The following CANX variants were observed in gnomAD, a reference collection of about 807,000 sequenced individuals.
The protein encoded by CANX is calnexin, also known as epididymis secretory sperm binding protein.
In CANX, 14 loss-of-function variants were observed where a neutral mutation model predicts 75.7. The observed-to-expected ratio is 0.19, with a 90% CI of 0.12 to 0.29. The LOEUF (loss-of-function observed/expected upper bound fraction) is 0.29, where lower values mean the gene tolerates loss of function less well. CANX is among the 10% of genes least tolerant of loss of function. CANX has a pLI of 1.00. For synonymous variants in CANX, 227 were observed against 236.9 expected (o/e 0.96, Z 0.38); for missense variants, 567 against 713.2 (o/e 0.79, Z 2.34).
chr5:179,713,789 C>T (rs534524435), intron 7 of CANX, among the ~76,000 whole-genome samples: 1 of 152,170 alleles, frequency 6.6e-6, no homozygotes, highest in African/African-American at 2.4e-5. Context: ...TAGCATGTAC[C>T]TCTAGTCCCA....
intron 10 of CANX, among the ~76,000 whole-genome samples, chr5:179,722,547 G>T (rs1020162610): frequency 2.0e-5 from 3 of 152,222 alleles, no homozygotes; most frequent in African/African-American, 4.8e-5. Context: ...AATGGGCCAG[G>T]AACTTGAGGG....
chr5:179,684,694 C>T (rs1265093840), intron 1 of CANX, among the ~76,000 whole-genome samples: 1 of 151,586 alleles, frequency 6.6e-6, no homozygotes, highest in Non-Finnish European at 1.5e-5. Flanking sequence ...GGGGTTTTTG[C>T]TGTTGTTTTG....
At chr5:179,701,369 C>A (rs576000255) in intron 1 of CANX, among the ~76,000 whole-genome samples, 1 of 151,708 alleles carries the variant, frequency 6.6e-6, no homozygotes. Context: ...CTGAGGTGGG[C>A]GGATTACTTG....
rs76543501 is a variant in CANX at position 179,723,055 on chromosome 5, T to C, written c.1398+36T>C. On this transcript the variant is annotated intron_variant, in intron 11 of 14. Coordinates refer to ENST00000247461, the MANE Select transcript of CANX (RefSeq NM_001746.4). ...GCTGCTTGTGCATTTGTGTCTGTTA[T>C]TGTAAGGAGCTGTTATTTTGTGAAA... 3.7e-3 allele frequency: 5,716 copies of C among 1,548,008 alleles called. 153 individuals are homozygous for C. In the African/African-American group the frequency reaches 0.059, roughly 16 times the overall value.
Position 179,692,934 on chromosome 5 carries a change from C to T in CANX, c.-3-12745C>T, listed in dbSNP as rs574326141. Among the ~76,000 whole-genome samples the T allele has an allele frequency of 3.3e-5, 5 of 151,992 alleles. No individual in the cohort carries two copies. The South Asian group carries it at 1.0e-3, about 32-fold the overall frequency. ...GGCCAAGGCGGGTGGATCACGAGGT[C>T]AGGAGTTCAAGACCAGCCTGGCCAA... On this transcript the variant is annotated intron_variant, in intron 1 of 14. Coordinates refer to the CANX transcript ENST00000681674.
At chr5:179,685,022 T>A (rs1376522289) in intron 1 of CANX, among the ~76,000 whole-genome samples, 1 of 140,026 alleles carries the variant, frequency 7.1e-6, no homozygotes, top group African/African-American at 2.6e-5. Flanking sequence ...AAGTGATCCA[T>A]CTGCCTCTAC....
At chr5:179,704,297 G>T (rs951978079) in intron 1 of CANX, 1 of 152,190 alleles carries the variant, frequency 6.6e-6, no homozygotes, top group African/African-American at 2.4e-5. Flanking sequence ...GAAGGCCGAG[G>T]CGGGCAGATC....
intron 7 of CANX, among the ~76,000 whole-genome samples, chr5:179,713,863 T>TA (rs774292134): frequency 6.6e-6 from 1 of 152,188 alleles, no homozygotes; most frequent in Admixed American, 6.5e-5. Context: ...TGCAGTGAGC[T>TA]ATGATTGGGC....
intron 7 of CANX, among the ~76,000 whole-genome samples, chr5:179,713,138 G>A (rs1043536179): frequency 6.6e-6 from 1 of 151,888 alleles, no homozygotes; most frequent in Non-Finnish European, 1.5e-5. Context: ...CTGGAGTGCA[G>A]TGGCGCCATC....
At position 179,678,815 on chromosome 5, in the gene CANX, C is replaced by T. The variant is rs375782480; in HGVS notation, c.-4+38C>T. Reference sequence around the variant, plus strand: ...CTCCAGCAACACTTGGCTTTTGGACCGCTGCACCTGCGCCTTCCAGCCCCA... The same window carrying T: ...CTCCAGCAACACTTGGCTTTTGGACTGCTGCACCTGCGCCTTCCAGCCCCA... On this transcript the variant is annotated intron_variant, in intron 1 of 14. Coordinates refer to the CANX transcript ENST00000681674. 10 of 1,536,902 alleles carry T rather than the reference C, an allele frequency of 6.5e-6. No homozygotes were observed. Among genetic ancestry groups the T allele is most frequent in the Admixed American group, 2.0e-5 (1 of 50,978 alleles).
At chr5:179,724,529 T>A in intron 12 of CANX, 128 bp from the exon 13 acceptor site, 1 of 705,308 alleles carries the variant, frequency 1.4e-6, no homozygotes, top group Non-Finnish European at 2.5e-6. Flanking sequence ...AGGAATTACA[T>A]CCTATTCGTT....
chr5:179,678,660 G>C (rs1562423248), exon 1 of CANX: 2 of 1,535,388 alleles, frequency 1.3e-6, no homozygotes, highest in South Asian at 1.2e-5. Flanking sequence ...ATCTTCCTCT[G>C]CCCGGCGCGC....
intron 12 of CANX, among the ~76,000 whole-genome samples, chr5:179,724,441 C>T (rs1016903801): frequency 1.3e-5 from 2 of 152,070 alleles, no homozygotes; most frequent in African/African-American, 4.8e-5. Context: ...CCTGCCTGGC[C>T]CTTTTGTTTT....
At chr5:179,709,413 CAA>C (rs1163773074) in intron 6 of CANX, among the ~76,000 whole-genome samples, 5 of 123,714 alleles carry the variant, frequency 4.0e-5, no homozygotes, top group Admixed American at 8.3e-5. Context: ...GACTCCATCT[CAA>C]AAAAAAAAAA....
At chr5:179,716,067 A>C in intron 7 of CANX, 38 bp from the exon 8 acceptor site, 2 of 1,429,146 alleles carry the variant, frequency 1.4e-6, no homozygotes, top group Non-Finnish European at 2.0e-6. Flanking sequence ...GAGCTTGGAA[A>C]ATTAAGTACT....
chr5:179,710,162 C>T (rs935265710), intron 7 of CANX, 97 bp downstream of exon 7: 3 of 741,650 alleles, frequency 4.0e-6, no homozygotes, highest in Admixed American at 5.6e-5. Flanking sequence ...GTGGCTCACG[C>T]CTGTAATCCC....
intron 1 of CANX, among the ~76,000 whole-genome samples, chr5:179,690,444 T>C (rs1776280360): frequency 6.7e-6 from 1 of 150,150 alleles, no homozygotes; most frequent in Non-Finnish European, 1.5e-5. Flanking sequence ...GGTGTGGTGG[T>C]ACGCACCTGT....
At chr5:179,727,249 T>C (rs1172599452) in intron 14 of CANX, among the ~76,000 whole-genome samples, 2 of 152,238 alleles carry the variant, frequency 1.3e-5, no homozygotes, top group East Asian at 1.9e-4. Flanking sequence ...GCTTAAATTC[T>C]ACTTGGGGGA....
rs775658014 is a variant in CANX, at chr5:179,724,818, C to G, written c.1645+35C>G. 1.9e-6 allele frequency: 3 copies of G among 1,575,460 alleles called. No individual in the cohort carries two copies. In the African/African-American group the frequency reaches 4.1e-5, roughly 22 times the overall value. ...AGAGTCCAGAAAATCTGCTTTAAGC[C>G]AAGACCCTACGATGTTGTTAAACCT... On this transcript the variant is annotated intron_variant, in intron 13 of 14. Transcript: ENST00000247461.
Sources: gnomAD v4.1 joint callset for allele counts (sites outside exome capture counted in the v4.1 genomes callset) on GRCh38, gnomAD v4.1.1 for gene constraint, MANE v1.5 for transcripts, NCBI Gene and HGNC (gene_info 2026-07-23, HGNC 2026-07-21) for gene names.